DNAH14: variants seen among roughly 807,000 people sequenced by gnomAD.
DNAH14 encodes the protein axonemal beta dynein heavy chain 14.
A neutral mutation model predicts 520.9 loss-of-function variants in DNAH14; 478 were observed. The ratio of observed to expected loss-of-function variants is 0.92; its 90% CI spans 0.85 to 0.99. The LOEUF is 0.99. Among genes scored for constraint, DNAH14 ranks in the 50% least tolerant of loss-of-function variants. The probability of loss-of-function intolerance (pLI) is 0.00; values close to 1 mark genes in which losing one functional copy is unlikely to be tolerated. For missense variants in DNAH14, 4,831 were observed against 5,234.5 expected (o/e 0.92, Z 2.38); for synonymous variants, 1,581 against 1,757.2 (o/e 0.90, Z 2.51).
At chr1:225,227,513 G>C (rs991617029) in intron 41 of DNAH14, among the ~76,000 whole-genome samples, 1 of 152,154 alleles carries the variant, frequency 6.6e-6, no homozygotes, top group Non-Finnish European at 1.5e-5. Flanking sequence ...TCTTAGTACA[G>C]ATCAAAATGA....
chr1:224,955,170 A>G (rs1361877018), intron 3 of DNAH14, 72 bp downstream of exon 3: 2 of 1,469,114 alleles, frequency 1.4e-6, no homozygotes, highest in South Asian at 1.2e-5. Flanking sequence ...GAAATTTTTC[A>G]TAGCATTAAA....
rs184637074 is a variant in DNAH14, at chr1:225,341,046, G to A, written c.10678+345G>A. On this transcript the variant is annotated intron_variant, in intron 69 of 85. Coordinates refer to ENST00000682510, the MANE Select transcript of DNAH14 (RefSeq NM_001367479.1). ...TATATGTCTCAAGTTAGATTACAGA[G>A]ACTCAATGATTGGGTTTTCCCCAAG... 1.1e-3 allele frequency among the ~76,000 whole-genome samples: 174 copies of A among 152,256 alleles called. 1 individual carries two copies. The highest frequency in any genetic ancestry group is 4.1e-3 in the African/African-American group (172 of 41,536).
intron 21 of DNAH14, among the ~76,000 whole-genome samples, chr1:225,089,464 AAG>A (rs1553439212): frequency 7.2e-6 from 1 of 138,406 alleles, no homozygotes; most frequent in Non-Finnish European, 1.6e-5. Flanking sequence ...AAAAAAAAAA[AAG>A]AGAGCGAGAG....
rs184841848 is a variant in DNAH14 at position 224,953,862 on chromosome 1, C to T, written c.77+1083C>T. On this transcript the variant is annotated intron_variant, in intron 2 of 85. Transcript: ENST00000682510. ...ACTTTATGTTAGGAAAACATATAAG[C>T]TCATTTTGTTATTACCTTGGACTAA... 1.9e-3 allele frequency among the ~76,000 whole-genome samples: 295 copies of T among 152,182 alleles called. 1 individual carries two copies. Among genetic ancestry groups the T allele is most frequent in the African/African-American group, 6.4e-3 (265 of 41,530 alleles).
At chr1:225,091,831 C>T (rs1315728012) in intron 21 of DNAH14, among the ~76,000 whole-genome samples, 3 of 152,030 alleles carry the variant, frequency 2.0e-5, no homozygotes, top group Non-Finnish European at 4.4e-5. Context: ...AGAGACCCAT[C>T]TTAACTGCAA....
intron 43 of DNAH14, among the ~76,000 whole-genome samples, chr1:225,244,102 A>C (rs1443975162): frequency 2.0e-5 from 3 of 152,132 alleles, no homozygotes; most frequent in Non-Finnish European, 2.9e-5. Flanking sequence ...TATTGAGATA[A>C]TCATATGTTT....
intron 64 of DNAH14, among the ~76,000 whole-genome samples, 193 bp from the exon 65 acceptor site, chr1:225,331,244 T>C (rs981994273): frequency 3.3e-5 from 5 of 152,106 alleles, no homozygotes; most frequent in Admixed American, 2.6e-4. Context: ...TTTAAAAATA[T>C]ACAAATTTCA....
intron 72 of DNAH14, among the ~76,000 whole-genome samples, chr1:225,353,238 G>C (rs574753376): frequency 1.3e-5 from 2 of 152,160 alleles, no homozygotes; most frequent in African/African-American, 4.8e-5. Context: ...AGACTAGAAG[G>C]CTTCCCACCT....
chr1:224,998,869 G>A lies in DNAH14; in HGVS notation c.831-3914G>A, dbSNP rs371225173. 6.6e-5 allele frequency among the ~76,000 whole-genome samples: 10 copies of A among 152,260 alleles called. No individual in the cohort carries two copies. The East Asian group carries it at 1.7e-3, about 26-fold the overall frequency. On this transcript the variant is annotated intron_variant, in intron 8 of 85. Coordinates refer to ENST00000682510, the MANE Select transcript of DNAH14 (RefSeq NM_001367479.1). ...TGAGAAAGTGCTGAAGTCTCCAGCTGTAATTGTGGATTTGTCTCTTTTTCC... is the reference window on the plus strand; with the variant it reads ...TGAGAAAGTGCTGAAGTCTCCAGCTATAATTGTGGATTTGTCTCTTTTTCC...
At chr1:225,383,731 C>A (rs1183373683) in intron 81 of DNAH14, among the ~76,000 whole-genome samples, 1 of 152,166 alleles carries the variant, frequency 6.6e-6, no homozygotes, top group Non-Finnish European at 1.5e-5. Flanking sequence ...TCAGGTGGAG[C>A]TACTGAAAGG....
intron 17 of DNAH14, among the ~76,000 whole-genome samples, chr1:225,076,152 G>C (rs7526764): frequency 6.6e-6 from 1 of 152,096 alleles, no homozygotes; most frequent in Non-Finnish European, 1.5e-5. Flanking sequence ...AGTCTTCCAC[G>C]GAGGGCTGTC....
intron 77 of DNAH14, among the ~76,000 whole-genome samples, chr1:225,372,027 T>C (rs1236825768): frequency 6.6e-6 from 1 of 152,146 alleles, no homozygotes; most frequent in Non-Finnish European, 1.5e-5. Flanking sequence ...AGAGGCACAG[T>C]ACACCTAAGA....
In DNAH14 at chr1:225,119,254, C is replaced by A. The variant is rs1573248957; in HGVS notation, c.4126C>A (p.Leu1376Met). The change falls in exon 26 of 86, where the codon CTG becomes ATG. Residue 1376 changes from leucine (L) to methionine (M), a missense_variant. By Grantham distance (15) the Leu-to-Met change is conservative. Transcript: ENST00000682510. The stretch of plus-strand genomic sequence containing the variant: ...TGTAAGAAGTGCTGTAGAACAGTGG[C>A]TGGTAAATGTAGAAAAAAGCATGTT... Reference protein sequence around the residue: ...IRVRSAVEQWLVNVEKSMFDV... With the variant: ...IRVRSAVEQWMVNVEKSMFDV... 6.6e-7 allele frequency: 1 copy of A among 1,525,196 alleles called. No individual in the cohort carries two copies. The highest frequency in any genetic ancestry group is 8.8e-7 in the Non-Finnish European group (1 of 1,134,564). The allele number at this position is 1,525,196 out of a possible 1,614,324, so 94.5% of individuals were successfully genotyped here.
chr1:225,237,343 T>C (rs662897), intron 42 of DNAH14, among the ~76,000 whole-genome samples: 30,113 of 152,112 alleles, frequency 0.2, 3,126 homozygotes, highest in East Asian at 0.37. Context: ...TTTGCTTGTC[T>C]GAAAAAGATA....
At chr1:225,204,502 TC>T (rs1228234383) in intron 39 of DNAH14, among the ~76,000 whole-genome samples, 1 of 152,178 alleles carries the variant, frequency 6.6e-6, no homozygotes, top group African/African-American at 2.4e-5. Context: ...GCTTAAATAG[TC>T]CTTCAGTTTA....
chr1:225,077,024 T>C (rs997223491), intron 17 of DNAH14, among the ~76,000 whole-genome samples: 1 of 152,098 alleles, frequency 6.6e-6, no homozygotes, highest in Non-Finnish European at 1.5e-5. Context: ...CTCAGCAAAC[T>C]ATCAAAAGGA....
At chr1:225,168,056 C>G in intron 36 of DNAH14, 28 bp downstream of exon 36, 1 of 1,247,964 alleles carries the variant, frequency 8.0e-7, no homozygotes, top group Non-Finnish European at 1.1e-6. Context: ...TGTTAGCAAT[C>G]CTTTGCCTGT....
chr1:225,201,459 A>C (rs1157208365), intron 38 of DNAH14, among the ~76,000 whole-genome samples: 1 of 151,950 alleles, frequency 6.6e-6, no homozygotes, highest in Non-Finnish European at 1.5e-5. Context: ...ATACTAACAG[A>C]GTTGGTTTTC....
intron 21 of DNAH14, among the ~76,000 whole-genome samples, chr1:225,094,926 A>G (rs1422678260): frequency 6.6e-6 from 1 of 152,106 alleles, no homozygotes; most frequent in Non-Finnish European, 1.5e-5. Flanking sequence ...AAAATTTCTC[A>G]TCACTAATCA....
Sources: allele counts gnomAD v4.1 joint callset (sites outside exome capture counted in the v4.1 genomes callset), GRCh38; gene constraint gnomAD v4.1.1; transcripts MANE v1.5; gene names NCBI Gene and HGNC (gene_info 2026-07-23, HGNC 2026-07-21).